UBE2V2: variants seen among roughly 807,000 people sequenced by gnomAD.
The protein encoded by UBE2V2 is ubiquitin-conjugating enzyme E2 variant 2.
In UBE2V2, 9 loss-of-function variants were observed where a neutral mutation model predicts 17.2. That is an observed-to-expected ratio of 0.52 (90% confidence interval 0.32 to 0.91). The LOEUF is 0.91. Ranked by LOEUF, UBE2V2 falls within the 40% of genes least tolerant of loss-of-function variation. UBE2V2 has a pLI of 0.04. For synonymous variants in UBE2V2, 61 were observed against 57.5 expected (o/e 1.06, Z -0.28); for missense variants, 133 against 182.6 (o/e 0.73, Z 1.56).
intron 1 of UBE2V2, among the ~76,000 whole-genome samples, chr8:48,021,601 C>T (rs552534774): frequency 2.1e-4 from 32 of 151,624 alleles, no homozygotes; most frequent in Non-Finnish European, 3.5e-4. Flanking sequence ...CCACTGCGCC[C>T]GGCCGGTCTT....
intron 3 of UBE2V2, chr8:48,050,515 G>C (rs2091529518): frequency 6.6e-6 from 1 of 152,298 alleles, no homozygotes; most frequent in Non-Finnish European, 1.5e-5. Flanking sequence ...ACAGGTATGA[G>C]CCACTGTGCC....
At position 48,034,934 on chromosome 8, in the gene UBE2V2, C is replaced by T. The variant is rs76260121; in HGVS notation, c.17-8099C>T. 1.4e-4 allele frequency: 110 copies of T among 804,504 alleles called. 1 individual carries two copies. In the African/African-American group the frequency reaches 1.9e-3, roughly 14 times the overall value. The allele number at this position is 804,504 out of a possible 1,614,324, so 49.8% of individuals were successfully genotyped here. A position where few individuals can be genotyped will look rare whatever the true frequency, so the allele number is the denominator to read the frequency against. ...TTGCCCGGGACGCCTTGCTCCCCCT[C>T]CCTGCAGCCTCTCCAGGTGGCCAGT... On this transcript the variant is annotated intron_variant, in intron 1 of 3. Transcript: ENST00000523111.
chr8:48,035,080 C>G (rs1037245749), intron 1 of UBE2V2: 2 of 981,182 alleles, frequency 2.0e-6, no homozygotes, highest in Non-Finnish European at 2.4e-6. Context: ...CAGAACTGGC[C>G]TTAGCATTGC....
At chr8:48,058,575 CAAAA>C (rs571959848) in intron 3 of UBE2V2, among the ~76,000 whole-genome samples, 5 of 59,016 alleles carry the variant, frequency 8.5e-5, no homozygotes, top group Non-Finnish European at 1.0e-4. Context: ...GACCCTGTCT[CAAAA>C]AAAAAAAAAA....
Position 48,051,685 on chromosome 8 carries a change from C to A in UBE2V2, c.291+1707C>A, listed in dbSNP as rs1161902518. Among the ~76,000 whole-genome samples the A allele has an allele frequency of 2.0e-5, 3 of 152,300 alleles. No homozygotes were observed. In the East Asian group the frequency reaches 5.8e-4, roughly 29 times the overall value. On this transcript the variant is annotated intron_variant, in intron 3 of 3. Coordinates refer to ENST00000523111, the MANE Select transcript of UBE2V2 (RefSeq NM_003350.3). ...CTTCATATAACTGTACTTCTGGCAA[C>A]AAGTTGAATCTTGGATTCACAGCCA...
intron 1 of UBE2V2, among the ~76,000 whole-genome samples, chr8:48,009,521 C>T (rs2091213681): frequency 6.6e-6 from 1 of 152,158 alleles, no homozygotes; most frequent in South Asian, 2.1e-4. Context: ...CCACTTCGGC[C>T]TCCCAGAGTG....
chr8:48,011,918 G>T (rs2091234728), intron 1 of UBE2V2, among the ~76,000 whole-genome samples: 1 of 152,178 alleles, frequency 6.6e-6, no homozygotes, highest in Non-Finnish European at 1.5e-5. Context: ...CTGAGGTTAG[G>T]ATTACAGGTT....
At chr8:48,052,362 T>C (rs1012335817) in intron 3 of UBE2V2, among the ~76,000 whole-genome samples, 11 of 152,190 alleles carry the variant, frequency 7.2e-5, no homozygotes, top group African/African-American at 2.7e-4. Flanking sequence ...TAACTAATGG[T>C]GTGTTCTACA....
At chr8:48,037,479 T>C (rs943165689) in intron 1 of UBE2V2, among the ~76,000 whole-genome samples, 2 of 152,248 alleles carry the variant, frequency 1.3e-5, no homozygotes, top group African/African-American at 4.8e-5. Context: ...TGATACAGTT[T>C]AGTAGAAGTA....
At chr8:48,008,310 G>A (rs996797788), upstream of UBE2V2, 11 of 1,110,056 alleles carry the variant, frequency 9.9e-6, no homozygotes, top group African/African-American at 6.6e-5. Flanking sequence ...CGACCCCTCG[G>A]CCCACGTGCG....
rs966664084 is a variant in UBE2V2 at position 48,043,484 on chromosome 8, A to G, written c.165+303A>G. On this transcript the variant is annotated intron_variant, in intron 2 of 3. Coordinates refer to ENST00000523111, the MANE Select transcript of UBE2V2 (RefSeq NM_003350.3). Reference sequence around the variant, plus strand: ...AGCAAGTTCACTACGGGACTTTAGAATATGTTTCTTCTAGCTGGAATAATT... The same window carrying G: ...AGCAAGTTCACTACGGGACTTTAGAGTATGTTTCTTCTAGCTGGAATAATT... The G allele has an allele frequency of 8.1e-5, 15 of 184,570 alleles. No homozygotes were observed. The Admixed American group carries it at 9.1e-4, about 11-fold the overall frequency. 11.4% of individuals were successfully genotyped at this position (184,570 alleles called of 1,614,324 possible).
At chr8:48,007,195 G>A (rs1212208871), upstream of UBE2V2, among the ~76,000 whole-genome samples, 1 of 151,912 alleles carries the variant, frequency 6.6e-6, no homozygotes, top group Non-Finnish European at 1.5e-5. Context: ...TTTGAAAGCC[G>A]GCACAAGACA....
At chr8:48,056,683 C>T (rs1297797807) in intron 3 of UBE2V2, among the ~76,000 whole-genome samples, 3 of 151,874 alleles carry the variant, frequency 2.0e-5, no homozygotes, top group Non-Finnish European at 4.4e-5. Context: ...TGAGCCACTG[C>T]ACCTGGCCTG....
chr8:48,047,442 A>C (rs1485031205), intron 2 of UBE2V2, among the ~76,000 whole-genome samples: 1 of 152,214 alleles, frequency 6.6e-6, no homozygotes, highest in Non-Finnish European at 1.5e-5. Context: ...TAAGTGAAAT[A>C]ATGATTAGAT....
chr8:48,046,453 A>G (rs551573870), intron 2 of UBE2V2, among the ~76,000 whole-genome samples: 3 of 151,874 alleles, frequency 2.0e-5, no homozygotes, highest in South Asian at 4.2e-4. Flanking sequence ...GGGTTTCTCC[A>G]TGTTGCTCAG....
intron 2 of UBE2V2, among the ~76,000 whole-genome samples, chr8:48,045,220 A>G (rs1287618066): frequency 6.6e-6 from 1 of 152,218 alleles, no homozygotes; most frequent in East Asian, 1.9e-4. Context: ...ACGCTGAGGC[A>G]CTTATAATAA....
chr8:48,057,656 A>G (rs1347508023), intron 3 of UBE2V2, among the ~76,000 whole-genome samples: 1 of 151,052 alleles, frequency 6.6e-6, no homozygotes, highest in East Asian at 1.9e-4. Flanking sequence ...GGAGGGAGGG[A>G]AAGGGGGAGG....
In UBE2V2 at chr8:48,060,672, C is replaced by T. The variant is rs752848532; in HGVS notation, c.292-10C>T. On this transcript the variant is annotated splice_polypyrimidine_tract_variant and intron_variant, in intron 3 of 3. Transcript: ENST00000523111. ...TTGCTAGTTAACTGTACTCTTTCCT[C>T]CCCTTTCAGGTGGATGCCCGGAGCA... 6.8e-7 allele frequency: 1 copy of T among 1,464,548 alleles called. No individual in the cohort carries two copies. Among genetic ancestry groups the T allele is most frequent in the Non-Finnish European group, 9.0e-7 (1 of 1,107,116 alleles). 90.7% of individuals were successfully genotyped at this position (1,464,548 alleles called of 1,614,324 possible).
At chr8:48,024,826 A>C (rs1226607532) in intron 1 of UBE2V2, among the ~76,000 whole-genome samples, 1 of 152,206 alleles carries the variant, frequency 6.6e-6, no homozygotes, top group African/African-American at 2.4e-5. Flanking sequence ...AAAAATTTAG[A>C]AAAAGCGATT....
Sources: gnomAD v4.1 joint callset for allele counts (sites outside exome capture counted in the v4.1 genomes callset) on GRCh38, gnomAD v4.1.1 for gene constraint, MANE v1.5 for transcripts, NCBI Gene and HGNC (gene_info 2026-07-23, HGNC 2026-07-21) for gene names.